Variants in MFSD2A observed in about 807,000 individuals in gnomAD.
MFSD2A encodes MFSD2 lysolipid transporter A, lysophospholipid, also known as sodium-dependent lysophosphatidylcholine symporter 1.
MFSD2A carries 27 observed loss-of-function variants against 64.7 expected under a neutral mutation model. The ratio of observed to expected loss-of-function variants is 0.42; its 90% CI spans 0.31 to 0.58. The LOEUF is 0.58. Ranked by LOEUF, MFSD2A falls within the 20% of genes least tolerant of loss-of-function variation. The pLI, the probability that MFSD2A is intolerant of heterozygous loss-of-function variation, is 0.18. For synonymous variants in MFSD2A, 258 were observed against 273.4 expected (o/e 0.94, Z 0.55); for missense variants, 474 against 679.5 (o/e 0.70, Z 3.36).
Position 39,968,650 on chromosome 1 carries a change from C to G in MFSD2A, c.1434C>G (p.Pro478=), listed in dbSNP as rs1297976496. ...FTLNMLVTMA[P]IVLILLGLLL... is the part of the protein sequence containing the mutation. ...TGAACATGCTCGTGACCATGGCTCC[C>G]ATAGTTCTCATCCTGCTGGGCCTGC... The change falls in exon 13 of 14, where the codon CCC becomes CCG. Residue 478 remains proline, a synonymous_variant. Coordinates refer to ENST00000372811, the MANE Select transcript of MFSD2A (RefSeq NM_032793.5). This position sits in a 1 kb window ranked among gnomAD's most constrained non-coding sequence, Gnocchi z 4.4. The G allele has an allele frequency of 1.2e-6, 2 of 1,614,092 alleles. No homozygotes were observed. The highest frequency in any genetic ancestry group is 1.7e-6 in the Non-Finnish European group (2 of 1,180,054).
chr1:39,967,951 C>T, intron 11 of MFSD2A, 35 bp downstream of exon 11: 1 of 1,374,484 alleles, frequency 7.3e-7, no homozygotes, highest in Non-Finnish European at 1.0e-6. Flanking sequence ...TCGGGTATCT[C>T]CAGCCCCTAG....
chr1:39,968,270 C>A lies in MFSD2A; in HGVS notation c.1209-64C>A. ...ACTGCAAGCTTCCAGAGGGCCACCT[C>A]TTCTCATTAACACAGAGGCCCGTTA... is the stretch of plus-strand genomic sequence containing the variant. On this transcript the variant is annotated intron_variant, in intron 11 of 13. Coordinates refer to ENST00000372811, the MANE Select transcript of MFSD2A (RefSeq NM_032793.5). This position sits in a 1 kb window ranked among gnomAD's most constrained non-coding sequence, Gnocchi z 4.4. 1 of 1,607,392 alleles carries A rather than the reference C, an allele frequency of 6.2e-7. No individual in the cohort carries two copies. Among genetic ancestry groups the A allele is most frequent in the Non-Finnish European group, 8.5e-7 (1 of 1,175,326 alleles).
In MFSD2A at chr1:39,965,614, C is replaced by T. The variant is rs980181991; in HGVS notation, c.556+65C>T. 9.2e-6 allele frequency: 14 copies of T among 1,517,806 alleles called. No individual in the cohort carries two copies. The highest frequency in any genetic ancestry group is 3.4e-5 in the Admixed American group (2 of 59,578). 94.0% of individuals were successfully genotyped at this position (1,517,806 alleles called of 1,614,324 possible). ...CCCTCCAGCCATACTTCTTCCCTTG[C>T]GGGTCCAGCTCTTTGCTCTGCTCTA... On this transcript the variant is annotated intron_variant, in intron 5 of 13. Coordinates refer to ENST00000372811, the MANE Select transcript of MFSD2A (RefSeq NM_032793.5). The surrounding 1 kb of genome is among the most constrained non-coding windows in gnomAD (Gnocchi z 5.5).
In MFSD2A at chr1:39,969,550, G is replaced by A; in HGVS notation, c.1575G>A (p.Glu525=). 1 of 1,607,076 alleles carries A rather than the reference G, an allele frequency of 6.2e-7. No homozygotes were observed. The highest frequency in any genetic ancestry group is 8.5e-7 in the Non-Finnish European group (1 of 1,177,090). Residue 525 remains glutamate (E), a synonymous_variant, in exon 14 of 14, where the codon GAG becomes GAA. Transcript: ENST00000372811. ...SSGCSETDST[E]LASIL is the part of the protein sequence containing the mutation. Reference sequence around the variant, plus strand: ...GCTGCTCAGAAACAGACTCCACAGAGCTGGCTAGCATCCTCTAGGGCCCGC... The same window carrying A: ...GCTGCTCAGAAACAGACTCCACAGAACTGGCTAGCATCCTCTAGGGCCCGC...
At chr1:39,961,181 T>C (rs1570243399) in intron 3 of MFSD2A, among the ~76,000 whole-genome samples, 1 of 152,006 alleles carries the variant, frequency 6.6e-6, no homozygotes, top group Non-Finnish European at 1.5e-5. Context: ...GAACCCCCTT[T>C]CCTTTCAGTG....
chr1:39,958,649 T>C lies in MFSD2A; in HGVS notation c.229-52T>C, dbSNP rs368096521. The C allele has an allele frequency of 6.2e-7, 1 of 1,613,870 alleles. No homozygotes were observed. The highest frequency in any genetic ancestry group is 8.5e-7 in the Non-Finnish European group (1 of 1,179,940). On this transcript the variant is annotated intron_variant, in intron 2 of 13. Coordinates refer to ENST00000372811, the MANE Select transcript of MFSD2A (RefSeq NM_032793.5). The surrounding 1 kb of genome is among the most constrained non-coding windows in gnomAD (Gnocchi z 4.7). ...CTCTGCTTCTGCCTACCAGTGAGAG[T>C]TGAGGCGAGTAGAAGGATGAGGAAG... is the stretch of plus-strand genomic sequence containing the variant.
At position 39,960,754 on chromosome 1, in the gene MFSD2A, G is replaced by A. The variant is rs571876704; in HGVS notation, c.353+1929G>A. ...GTTCCCTGAGGAGACAGAGTCAAGAGAGGTGGAGGTGGGCAGGCCTTCCCT... is the reference window on the plus strand; with the variant it reads ...GTTCCCTGAGGAGACAGAGTCAAGAAAGGTGGAGGTGGGCAGGCCTTCCCT... On this transcript the variant is annotated intron_variant, in intron 3 of 13. Transcript: ENST00000372811. The surrounding 1 kb of genome is among the most constrained non-coding windows in gnomAD (Gnocchi z 4.8). Among the ~76,000 whole-genome samples the A allele has an allele frequency of 1.3e-5, 2 of 152,348 alleles. No homozygotes were observed. The highest frequency in any genetic ancestry group is 6.5e-5 in the Admixed American group (1 of 15,304).
rs1487665819 is a variant in MFSD2A at position 39,955,807 on chromosome 1, A to G, written c.93+422A>G. 5.6e-6 allele frequency: 2 copies of G among 356,372 alleles called. No individual in the cohort carries two copies. The highest frequency in any genetic ancestry group is 1.1e-5 in the Non-Finnish European group (2 of 181,342). The allele number at this position is 356,372 out of a possible 1,614,324, so 22.1% of individuals were successfully genotyped here. The stretch of plus-strand genomic sequence containing the variant: ...ACTCTTGCGCCTCAACTCTGCTGTT[A>G]GGGCCGCTCAAGTTCATTCATAAGA... On this transcript the variant is annotated intron_variant, in intron 1 of 13. Coordinates refer to ENST00000372811, the MANE Select transcript of MFSD2A (RefSeq NM_032793.5). This position sits in a 1 kb window ranked among gnomAD's most constrained non-coding sequence, Gnocchi z 5.9.
Position 39,963,066 on chromosome 1 carries a change from A to G in MFSD2A, c.354-2145A>G. The stretch of plus-strand genomic sequence containing the variant: ...GCGCAGAGGCTACTGGGGGAACAAG[A>G]TCAGCAAGCCCCACACCGTCCCTTG... On this transcript the variant is annotated intron_variant, in intron 3 of 13. Coordinates refer to ENST00000372811, the MANE Select transcript of MFSD2A (RefSeq NM_032793.5). The surrounding 1 kb of genome is among the most constrained non-coding windows in gnomAD (Gnocchi z 4.2). 2.1e-6 allele frequency: 3 copies of G among 1,416,886 alleles called. No individual in the cohort carries two copies. In the South Asian group the frequency reaches 3.6e-5, roughly 17 times the overall value. 87.8% of individuals were successfully genotyped at this position (1,416,886 alleles called of 1,614,324 possible).
Position 39,960,825 on chromosome 1 carries a change from A to G in MFSD2A, c.353+2000A>G, listed in dbSNP as rs909831516. ...AACTTCCTGGGCAGGCGTGGCAGCC[A>G]GTTTGGGGAAGTTGCTGGGGGCCCT... On this transcript the variant is annotated intron_variant, in intron 3 of 13. Transcript: ENST00000372811. This position sits in a 1 kb window ranked among gnomAD's most constrained non-coding sequence, Gnocchi z 4.8. Among the ~76,000 whole-genome samples the G allele has an allele frequency of 6.6e-6, 1 of 152,188 alleles. No homozygotes were observed. The highest frequency in any genetic ancestry group is 1.5e-5 in the Non-Finnish European group (1 of 68,020).
intron 1 of MFSD2A, 70 bp from the exon 2 acceptor site, chr1:39,957,017 T>C (rs1644944916): frequency 1.9e-6 from 3 of 1,572,250 alleles, no homozygotes; most frequent in African/African-American, 1.4e-5. Context: ...AGAGGGATGG[T>C]CCTTCCTGTG....
In MFSD2A at chr1:39,965,349, C is replaced by T; in HGVS notation, c.477+15C>T. ...CAATGGTCACGGTGAGTGTGGGTAC[C>T]TCCCTTGGGTGTCTCTAGGGGCCGG... On this transcript the variant is annotated intron_variant, in intron 4 of 13. Transcript: ENST00000372811. This position sits in a 1 kb window ranked among gnomAD's most constrained non-coding sequence, Gnocchi z 5.5. The T allele has an allele frequency of 6.2e-7, 1 of 1,614,040 alleles. No individual in the cohort carries two copies. Among genetic ancestry groups the T allele is most frequent in the Middle Eastern group, 1.6e-4 (1 of 6,062 alleles).
In MFSD2A at chr1:39,958,465, A is replaced by G. The variant is rs565302672; in HGVS notation, c.229-236A>G. Among the ~76,000 whole-genome samples the G allele has an allele frequency of 2.6e-5, 4 of 152,166 alleles. No homozygotes were observed. Among genetic ancestry groups the G allele is most frequent in the East Asian group, 1.9e-4 (1 of 5,178 alleles). ...TTTTCAAGGGCAGTGGAGGGAAGCA[A>G]TTAAGGAGACAGAGCTGGGAAAGCT... On this transcript the variant is annotated intron_variant, in intron 2 of 13. Transcript: ENST00000372811. The surrounding 1 kb of genome is among the most constrained non-coding windows in gnomAD (Gnocchi z 4.7).
chr1:39,957,155 C>T lies in MFSD2A; in HGVS notation c.162C>T (p.Ala54=). 6.2e-7 allele frequency: 1 copy of T among 1,613,700 alleles called. No homozygotes were observed. The highest frequency in any genetic ancestry group is 1.1e-5 in the South Asian group (1 of 91,058). The change falls in exon 2 of 14, where the codon GCC becomes GCT. Residue 54 remains alanine, a synonymous_variant. Coordinates refer to ENST00000372811, the MANE Select transcript of MFSD2A (RefSeq NM_032793.5). ...AGCTTTGCTATGCACTTGGGGGAGC[C>T]CCCTACCAGGTGACGGGCTGTGCCC... is the stretch of plus-strand genomic sequence containing the variant. ...CNKLCYALGG[A]PYQVTGCALG... is the part of the protein sequence containing the mutation.
rs964338897 is a variant in MFSD2A at position 39,963,428 on chromosome 1, G to A, written c.354-1783G>A. On this transcript the variant is annotated intron_variant, in intron 3 of 13. Coordinates refer to ENST00000372811, the MANE Select transcript of MFSD2A (RefSeq NM_032793.5). This position sits in a 1 kb window ranked among gnomAD's most constrained non-coding sequence, Gnocchi z 4.2. ...AGGGTTTTTATACAAGAGAAGTAAA[G>A]TGAATTAAGCCTGTTAAAAAAAAAA... 6 of 595,712 alleles carry A rather than the reference G, an allele frequency of 1.0e-5. No individual in the cohort carries two copies. Among genetic ancestry groups the A allele is most frequent in the African/African-American group, 1.8e-5 (1 of 54,410 alleles). 36.9% of individuals were successfully genotyped at this position (595,712 alleles called of 1,614,324 possible). A position where few individuals can be genotyped will look rare whatever the true frequency, so the allele number is the denominator to read the frequency against.
intron 6 of MFSD2A, 107 bp downstream of exon 6, chr1:39,966,121 C>A: frequency 1.5e-6 from 2 of 1,299,662 alleles, no homozygotes; most frequent in Middle Eastern, 2.1e-4. Flanking sequence ...AAATGTTGGG[C>A]ATTTGATATA....
chr1:39,957,377 C>T (rs1644953476), intron 2 of MFSD2A, among the ~76,000 whole-genome samples, 156 bp downstream of exon 2: 1 of 152,214 alleles, frequency 6.6e-6, no homozygotes, highest in African/African-American at 2.4e-5. Flanking sequence ...AATGAGAAGA[C>T]CCTGGAAAGT....
rs761934474 is a variant in MFSD2A at position 39,968,616 on chromosome 1, A to G, written c.1400A>G (p.Lys467Arg). 9 of 1,614,194 alleles carry G rather than the reference A, an allele frequency of 5.6e-6. No individual in the cohort carries two copies. In the East Asian group the frequency reaches 1.8e-4, roughly 32 times the overall value. Residue 467 changes from lysine to arginine, a missense_variant, in exon 13 of 14, where the codon AAG (lysine) becomes AGG (arginine). By Grantham distance (26) the Lys-to-Arg change is conservative. Transcript: ENST00000372811. The surrounding 1 kb of genome is among the most constrained non-coding windows in gnomAD (Gnocchi z 4.4). ...TRGCSQPERV[K>R]FTLNMLVTMA... The stretch of plus-strand genomic sequence containing the variant: ...GGCTGCTCGCAGCCGGAACGTGTCA[A>G]GTTTACACTGAACATGCTCGTGACC...
At position 39,964,872 on chromosome 1, in the gene MFSD2A, C is replaced by A; in HGVS notation, c.354-339C>A. The A allele has an allele frequency of 8.9e-6, 3 of 337,048 alleles. No individual in the cohort carries two copies. Among genetic ancestry groups the A allele is most frequent in the South Asian group, 8.2e-5 (2 of 24,466 alleles). The allele number at this position is 337,048 out of a possible 1,614,324, so 20.9% of individuals were successfully genotyped here. A position where few individuals can be genotyped will look rare whatever the true frequency, so the allele number is the denominator to read the frequency against. On this transcript the variant is annotated intron_variant, in intron 3 of 13. Coordinates refer to ENST00000372811, the MANE Select transcript of MFSD2A (RefSeq NM_032793.5). This position sits in a 1 kb window ranked among gnomAD's most constrained non-coding sequence, Gnocchi z 4.1. ...TGAGAACACGGGAGTTGGGGCTGCT[C>A]CTTCTCTTTGCCTCCTTGCCCAGGC...
Sources: allele counts gnomAD v4.1 joint callset (sites outside exome capture counted in the v4.1 genomes callset), GRCh38; gene constraint gnomAD v4.1.1; non-coding constraint Gnocchi (gnomAD v3.1); transcripts MANE v1.5; gene names NCBI Gene and HGNC (gene_info 2026-07-23, HGNC 2026-07-21).